The following TYW1B variants were observed in gnomAD, a reference collection of about 807,000 sequenced individuals.
The protein encoded by TYW1B is tRNA-yW synthesizing protein 1 homolog B.
Under a neutral mutation model 86.9 loss-of-function variants are expected in TYW1B, and 73 were observed. The ratio of observed to expected loss-of-function variants is 0.84; its 90% confidence interval spans 0.70 to 1.02. TYW1B has a LOEUF of 1.02. Among genes scored for constraint, TYW1B ranks in the 50% least tolerant of loss-of-function variants. The pLI is 0.00. For synonymous variants in TYW1B, 248 were observed against 292.8 expected (o/e 0.85, Z 1.56); for missense variants, 637 against 827.4 (o/e 0.77, Z 2.82).
chr7:72,795,440 G>A (rs1181338936), intron 6 of TYW1B, among the ~76,000 whole-genome samples: 1 of 151,810 alleles, frequency 6.6e-6, no homozygotes, highest in Non-Finnish European at 1.5e-5. Context: ...AGTCTAAAAG[G>A]CTTGTGGCAA....
In TYW1B at chr7:72,777,628, T is replaced by C. The variant is rs868989643; in HGVS notation, c.847-95A>G. 1.0e-4 allele frequency: 149 copies of C among 1,477,686 alleles called. 3 individuals carry two copies. In the Middle Eastern group the frequency reaches 7.6e-3, roughly 75 times the overall value. 91.5% of individuals were successfully genotyped at this position (1,477,686 alleles called of 1,614,324 possible). A position where few individuals can be genotyped will look rare whatever the true frequency, so the allele number is the denominator to read the frequency against. On this transcript the variant is annotated intron_variant, in intron 6 of 13. Transcript: ENST00000620995. Reference sequence around the variant, plus strand: ...CACCTAGCATCAATAAAAAGGTCCATTATGAGGCTGGGCATAGTGGCTCAC... The same window carrying C: ...CACCTAGCATCAATAAAAAGGTCCACTATGAGGCTGGGCATAGTGGCTCAC...
intron 6 of TYW1B, among the ~76,000 whole-genome samples, chr7:72,796,357 C>T (rs1563096818): frequency 9.9e-6 from 1 of 100,704 alleles, no homozygotes; most frequent in Non-Finnish European, 2.1e-5. Context: ...GATTCTCCTG[C>T]CTCAGCCTCC....
intron 8 of TYW1B, among the ~76,000 whole-genome samples, chr7:72,743,646 C>G (rs1440229153): frequency 6.6e-6 from 1 of 151,978 alleles, no homozygotes; most frequent in African/African-American, 2.4e-5. Context: ...GAGTTCAAAA[C>G]CGGCCTGGCC....
At chr7:72,704,311 G>A (rs1428001036) in intron 10 of TYW1B, among the ~76,000 whole-genome samples, 23 of 151,776 alleles carry the variant, frequency 1.5e-4, no homozygotes, top group African/African-American at 5.1e-4. Flanking sequence ...GTGCATGCCT[G>A]TAATCCCAGA....
chr7:72,582,331 AT>A (rs1811175136), intron 13 of TYW1B, among the ~76,000 whole-genome samples: 1 of 152,178 alleles, frequency 6.6e-6, no homozygotes, highest in Non-Finnish European at 1.5e-5. Context: ...AGAAAATCGA[AT>A]GAGAAAAACA....
At chr7:72,668,195 T>C (rs1470794008) in intron 11 of TYW1B, among the ~76,000 whole-genome samples, 1 of 152,164 alleles carries the variant, frequency 6.6e-6, no homozygotes, top group Non-Finnish European at 1.5e-5. Flanking sequence ...TTATCATAGA[T>C]TTTGTTTGTT....
chr7:72,640,998 A>C (rs1812787551), intron 11 of TYW1B, among the ~76,000 whole-genome samples: 1 of 152,178 alleles, frequency 6.6e-6, no homozygotes, highest in Non-Finnish European at 1.5e-5. Context: ...GTTCTATGAA[A>C]AGATCAACTA....
chr7:72,658,870 A>G (rs1554444062), intron 11 of TYW1B, among the ~76,000 whole-genome samples: 1 of 152,060 alleles, frequency 6.6e-6, no homozygotes, highest in African/African-American at 2.4e-5. Flanking sequence ...ATAGACGTGC[A>G]CCACAACACC....
At chr7:72,611,379 C>T (rs1182397795) in intron 13 of TYW1B, among the ~76,000 whole-genome samples, 1 of 151,030 alleles carries the variant, frequency 6.6e-6, no homozygotes, top group Non-Finnish European at 1.5e-5. Context: ...ATAATTCCCA[C>T]GTATTGTGGG....
intron 13 of TYW1B, among the ~76,000 whole-genome samples, chr7:72,615,097 G>A (rs1207120129): frequency 6.6e-6 from 1 of 152,224 alleles, no homozygotes; most frequent in Non-Finnish European, 1.5e-5. Flanking sequence ...TCTGAGCACT[G>A]TGTCCCTTGC....
intron 10 of TYW1B, among the ~76,000 whole-genome samples, chr7:72,710,398 T>C (rs1409815972): frequency 2.6e-5 from 4 of 152,220 alleles, no homozygotes; most frequent in African/African-American, 9.6e-5. Flanking sequence ...CATTGACTTT[T>C]AAAAAACATT....
rs369473158 is a variant in TYW1B, at chr7:72,748,201, A to G, written c.965-3600T>C. Among the ~76,000 whole-genome samples the G allele has an allele frequency of 3.5e-3, 537 of 151,780 alleles. 3 individuals carry two copies. Among genetic ancestry groups the G allele is most frequent in the African/African-American group, 0.012 (485 of 41,492 alleles). ...GGAGAATGGCGGGAACCTGGAAGGC[A>G]GAGCTTGCAGTGAGCCGAGATGGCG... On this transcript the variant is annotated intron_variant, in intron 7 of 13. Coordinates refer to ENST00000620995, the MANE Select transcript of TYW1B (RefSeq NM_001145440.3).
intron 4 of TYW1B, among the ~76,000 whole-genome samples, chr7:72,809,924 C>T (rs1293657803): frequency 6.7e-6 from 1 of 149,280 alleles, no homozygotes; most frequent in African/African-American, 2.5e-5. Context: ...CACTTGAACG[C>T]AGGAGGCGGA....
In TYW1B at chr7:72,805,535, C is replaced by CT. The variant is rs538947703; in HGVS notation, c.723+1530dup. Reference sequence around the variant, plus strand: ...GCTGAAGTGGGAGGATCACCACTGCCTGGGGAGGTTGAGGCTGCAGTGAGC... The same window carrying CT: ...GCTGAAGTGGGAGGATCACCACTGCCTTGGGGAGGTTGAGGCTGCAGTGAGC... On this transcript the variant is annotated intron_variant, in intron 5 of 13. Coordinates refer to ENST00000620995, the MANE Select transcript of TYW1B (RefSeq NM_001145440.3). Among the ~76,000 whole-genome samples the CT allele has an allele frequency of 3.3e-5, 5 of 151,404 alleles. No homozygotes were observed. The South Asian group carries it at 1.0e-3, about 32-fold the overall frequency.
intron 13 of TYW1B, among the ~76,000 whole-genome samples, chr7:72,614,198 GAAAA>G (rs1477077548): frequency 6.6e-6 from 1 of 152,128 alleles, no homozygotes; most frequent in Admixed American, 6.6e-5. Flanking sequence ...TAAAACAAAA[GAAAA>G]AGAAAGAAGG....
rs182102668 is a variant in TYW1B at position 72,801,127 on chromosome 7, G to A, written c.846+1273C>T. Among the ~76,000 whole-genome samples, 912 of 152,170 alleles carry A rather than the reference G, an allele frequency of 6.0e-3. 28 individuals are homozygous for A. Among genetic ancestry groups the A allele is most frequent in the Admixed American group, 0.05 (763 of 15,236 alleles). ...GCAGATCACCTGAGGTCAGGAGTTC[G>A]AGACCAGCCTGGCCAACATGGTGAA... On this transcript the variant is annotated intron_variant, in intron 6 of 13. Coordinates refer to ENST00000620995, the MANE Select transcript of TYW1B (RefSeq NM_001145440.3).
chr7:72,637,325 A>T (rs1288911786), intron 11 of TYW1B, among the ~76,000 whole-genome samples: 3 of 151,918 alleles, frequency 2.0e-5, no homozygotes, highest in Non-Finnish European at 1.5e-5. Flanking sequence ...TTTAACAATT[A>T]TAAGTCCATG....
intron 9 of TYW1B, among the ~76,000 whole-genome samples, chr7:72,728,084 T>C (rs1194535501): frequency 1.3e-5 from 2 of 152,154 alleles, no homozygotes; most frequent in African/African-American, 2.4e-5. Context: ...ATTTATATTA[T>C]CCCTCCTTTT....
chr7:72,762,755 G>T (rs1170708246), intron 7 of TYW1B, among the ~76,000 whole-genome samples: 1 of 152,188 alleles, frequency 6.6e-6, no homozygotes, highest in East Asian at 1.9e-4. Flanking sequence ...CGCCTCCCTG[G>T]TTCAAGCAAT....
Sources: gnomAD v4.1 joint callset for allele counts (sites outside exome capture counted in the v4.1 genomes callset) on GRCh38, gnomAD v4.1.1 for gene constraint, MANE v1.5 for transcripts, NCBI Gene and HGNC (gene_info 2026-07-23, HGNC 2026-07-21) for gene names.